PDE10A: variants seen among roughly 807,000 people sequenced by gnomAD.
The protein encoded by PDE10A is phosphodiesterase 10A.
Under a neutral mutation model 97.7 loss-of-function variants are expected in PDE10A, and 39 were observed. The ratio of observed to expected loss-of-function variants is 0.40; its 90% CI spans 0.31 to 0.52. The LOEUF (loss-of-function observed/expected upper bound fraction) is 0.52. Ranked by LOEUF, PDE10A falls within the 20% of genes least tolerant of loss-of-function variation. The pLI is 0.56. For synonymous variants in PDE10A, 371 were observed against 376.8 expected (o/e 0.98, Z 0.18); for missense variants, 731 against 1,047.8 (o/e 0.70, Z 4.17).
At chr6:165,429,056 ACT>A (rs1225926373) in intron 9 of PDE10A, among the ~76,000 whole-genome samples, 4 of 152,216 alleles carry the variant, frequency 2.6e-5, no homozygotes, top group South Asian at 4.1e-4. Context: ...TTCATTAATA[ACT>A]CTGATCTAAA....
intron 1 of PDE10A, among the ~76,000 whole-genome samples, chr6:165,747,603 A>G (rs1226325288): frequency 6.6e-6 from 1 of 152,090 alleles, no homozygotes; most frequent in Non-Finnish European, 1.5e-5. Context: ...TTTTAATGGA[A>G]TGTGTGAATA....
rs1468065562 is a variant in PDE10A at position 165,662,659 on chromosome 6, G to C, written c.153C>G (p.Pro51=). 7.0e-6 allele frequency: 1 copy of C among 142,354 alleles called. No individual in the cohort carries two copies. Among genetic ancestry groups the C allele is most frequent in the Non-Finnish European group, 1.6e-5 (1 of 64,202 alleles). 8.8% of individuals were successfully genotyped at this position (142,354 alleles called of 1,614,324 possible). A position where few individuals can be genotyped will look rare whatever the true frequency, so the allele number is the denominator to read the frequency against. Residue 51 remains proline (P), a synonymous_variant, in exon 1 of 22, where the codon CCC becomes CCG. Transcript: ENST00000539869. ...GGSAAGPGPA[P]EWPGRGRAER... ...CCGCCCGGCCACGGCCAGGCCACTC[G>C]GGGGCCGGGCCCGGGCCCGCCGCGC...
intron 1 of PDE10A, among the ~76,000 whole-genome samples, chr6:165,788,562 A>G (rs1447501026): frequency 6.6e-6 from 1 of 151,568 alleles, no homozygotes; most frequent in Admixed American, 6.6e-5. Flanking sequence ...AAAAGAAAAA[A>G]AAAAGAGTAT....
chr6:165,762,658 A>G (rs1793278850), intron 1 of PDE10A, among the ~76,000 whole-genome samples: 1 of 152,062 alleles, frequency 6.6e-6, no homozygotes, highest in Non-Finnish European at 1.5e-5. Context: ...AATGAAGCCA[A>G]TCAAATAAAT....
intron 1 of PDE10A, among the ~76,000 whole-genome samples, chr6:165,897,405 A>C (rs1419287077): frequency 6.6e-6 from 1 of 152,016 alleles, no homozygotes; most frequent in Non-Finnish European, 1.5e-5. Flanking sequence ...GGGAGTGGGC[A>C]CCATCCAGTA....
At chr6:165,698,371 A>G (rs1322551968) in intron 1 of PDE10A, among the ~76,000 whole-genome samples, 1 of 152,194 alleles carries the variant, frequency 6.6e-6, no homozygotes, top group African/African-American at 2.4e-5. Flanking sequence ...ACCCTAATAA[A>G]GGCTAACACA....
At chr6:165,403,512 T>C (rs578261688) in intron 13 of PDE10A, among the ~76,000 whole-genome samples, 6 of 152,320 alleles carry the variant, frequency 3.9e-5, no homozygotes, top group African/African-American at 1.4e-4. Flanking sequence ...TACAAGTAGT[T>C]TGACTTTGGG....
At chr6:165,963,040 G>C (rs889371512) in intron 1 of PDE10A, among the ~76,000 whole-genome samples, 2 of 152,158 alleles carry the variant, frequency 1.3e-5, no homozygotes, top group Non-Finnish European at 2.9e-5. Context: ...CAGTCTATTC[G>C]GGATGGAAAT....
chr6:165,336,755 CAAAAAAAAAAAA>C (rs776243789), intron 20 of PDE10A, among the ~76,000 whole-genome samples: 1 of 50,486 alleles, frequency 2.0e-5, no homozygotes, highest in Non-Finnish European at 4.1e-5. Flanking sequence ...GACTCCGTCT[CAAAAAAAAAAAA>C]AAAAAAAAAA....
chr6:165,827,095 G>GA, intron 1 of PDE10A, among the ~76,000 whole-genome samples: 1 of 152,172 alleles, frequency 6.6e-6, no homozygotes, highest in Non-Finnish European at 1.5e-5. Flanking sequence ...GAATGTCGGG[G>GA]CCGACCCGGG....
intron 5 of PDE10A, 128 bp downstream of exon 5, chr6:165,448,800 G>A: frequency 1.7e-6 from 1 of 599,648 alleles, no homozygotes; most frequent in Non-Finnish European, 2.9e-6. Flanking sequence ...ACCAAATATA[G>A]AAACAAAACA....
intron 1 of PDE10A, among the ~76,000 whole-genome samples, chr6:165,707,163 C>A (rs1428018928): frequency 6.6e-6 from 1 of 152,226 alleles, no homozygotes; most frequent in African/African-American, 2.4e-5. Context: ...TGGAATGGTG[C>A]TAACAGTGAT....
At chr6:165,729,146 G>A (rs1043618072) in intron 1 of PDE10A, among the ~76,000 whole-genome samples, 2 of 151,450 alleles carry the variant, frequency 1.3e-5, no homozygotes, top group Non-Finnish European at 2.9e-5. Context: ...AGGCTGTAAT[G>A]AGCCATGATC....
chr6:165,600,639 T>C (rs1007794032), intron 1 of PDE10A, among the ~76,000 whole-genome samples: 4 of 152,242 alleles, frequency 2.6e-5, no homozygotes, highest in Admixed American at 2.0e-4. Flanking sequence ...CCTCACTTGA[T>C]GTTTCTCTCT....
rs558493450 is a variant in PDE10A at position 165,923,421 on chromosome 6, G to A, written c.-615+64108C>T. On this transcript the variant is annotated intron_variant, in intron 1 of 19. Transcript: ENST00000366882. ...TGGCAAAGTCCTACTAGAGAGATAC[G>A]TGTACCATTGACAGCACCGTCGATA... Among the ~76,000 whole-genome samples, 11 of 152,318 alleles carry A rather than the reference G, an allele frequency of 7.2e-5. No homozygotes were observed. The South Asian group carries it at 1.5e-3, about 20-fold the overall frequency.
intron 1 of PDE10A, among the ~76,000 whole-genome samples, chr6:165,707,210 A>G (rs1791731634): frequency 6.6e-6 from 1 of 152,218 alleles, no homozygotes; most frequent in South Asian, 2.1e-4. Flanking sequence ...CTGGTCCTTG[A>G]GCCAGAGTCC....
In PDE10A at chr6:165,348,280, A is replaced by T. The variant is rs561828735; in HGVS notation, c.2784-4778T>A. Among the ~76,000 whole-genome samples the T allele has an allele frequency of 2.3e-3, 357 of 152,348 alleles. 2 individuals carry two copies. Among genetic ancestry groups the T allele is most frequent in the African/African-American group, 8.3e-3 (344 of 41,594 alleles). Reference sequence around the variant, plus strand: ...TGAAATACATGAAAGTAAAAATTTTAAAAACTACCAGCAACTTCCATATTT... The same window carrying T: ...TGAAATACATGAAAGTAAAAATTTTTAAAACTACCAGCAACTTCCATATTT... On this transcript the variant is annotated intron_variant, in intron 18 of 21. Coordinates refer to ENST00000539869, the MANE Select transcript of PDE10A (RefSeq NM_001385079.1).
intron 1 of PDE10A, among the ~76,000 whole-genome samples, chr6:165,794,637 C>T (rs1416285277): frequency 6.6e-6 from 1 of 151,990 alleles, no homozygotes; most frequent in Non-Finnish European, 1.5e-5. Flanking sequence ...CTCACACAAC[C>T]CACACTCTCA....
chr6:165,450,268 T>C lies in PDE10A; in HGVS notation c.1118A>G (p.Tyr373Cys), dbSNP rs778899140. 1.2e-6 allele frequency: 2 copies of C among 1,606,870 alleles called. No homozygotes were observed. The highest frequency in any genetic ancestry group is 1.3e-5 in the African/African-American group (1 of 74,922). ...DTGGDNQLLL[Y>C]ELSSIIKIAT... ...TATTTTAATGATGCTGCTCAGTTCATAGAGGAGTAGCTGGTTGTCTCCTCC... is the reference window on the plus strand; with the variant it reads ...TATTTTAATGATGCTGCTCAGTTCACAGAGGAGTAGCTGGTTGTCTCCTCC... Residue 373 changes from tyrosine (Y) to cysteine (C), a missense_variant, in exon 4 of 22, where the codon TAT (tyrosine) becomes TGT (cysteine). Tyr to Cys is a radical substitution (Grantham distance 194). Around this residue, in one of 8 missense-constraint regions of PDE10A, gnomAD observed 152 missense variants for 199.3 expected, o/e 0.76. Transcript: ENST00000539869.
Sources: allele counts gnomAD v4.1 joint callset (sites outside exome capture counted in the v4.1 genomes callset), GRCh38; gene constraint gnomAD v4.1.1; regional missense constraint gnomAD v4.1.1; transcripts MANE v1.5; gene names NCBI Gene and HGNC (gene_info 2026-07-23, HGNC 2026-07-21).